Variants in FGF14 observed in about 807,000 individuals in gnomAD.
The protein encoded by FGF14 is fibroblast growth factor 14, also known as fibroblast growth factor homologous factor 4.
In FGF14, 5 loss-of-function variants were observed where a neutral mutation model predicts 25.5. The ratio of observed to expected loss-of-function variants is 0.20; its 90% CI spans 0.10 to 0.41. The LOEUF (loss-of-function observed/expected upper bound fraction) is 0.41, where lower values mean the gene tolerates loss of function less well. FGF14 is among the 10% of genes least tolerant of loss of function. The pLI is 1.00. For missense variants in FGF14, 222 were observed against 320.1 expected, an observed-to-expected ratio of 0.69 and a Z score of 2.34; for synonymous variants, 138 against 118.3, an observed-to-expected ratio of 1.17 and a Z score of -1.08.
At chr13:101,996,503 G>A (rs968829256) in intron 1 of FGF14, among the ~76,000 whole-genome samples, 1 of 152,188 alleles carries the variant, frequency 6.6e-6, no homozygotes, top group Non-Finnish European at 1.5e-5. Context: ...ACTAGGAGAT[G>A]TAGCTGATAA....
chr13:102,323,955 GTA>G (rs1285752306), intron 1 of FGF14, among the ~76,000 whole-genome samples: 19 of 110,626 alleles, frequency 1.7e-4, no homozygotes, highest in Admixed American at 1.2e-3. Flanking sequence ...CCAACGTGCA[GTA>G]TGTGTGTGTG....
At chr13:101,734,294 A>T (rs2036024710) in intron 3 of FGF14, among the ~76,000 whole-genome samples, 1 of 152,362 alleles carries the variant, frequency 6.6e-6, no homozygotes, top group Non-Finnish European at 1.5e-5. Flanking sequence ...GACATTAGTC[A>T]TAAGCTTGCT....
At chr13:102,273,938 C>A (rs1378010813) in intron 1 of FGF14, among the ~76,000 whole-genome samples, 1 of 94,008 alleles carries the variant, frequency 1.1e-5, no homozygotes. Context: ...GAGCAAGACC[C>A]TGTCTCAAAA....
intron 1 of FGF14, among the ~76,000 whole-genome samples, chr13:102,364,610 A>G (rs1349950729): frequency 1.3e-5 from 2 of 152,260 alleles, no homozygotes; most frequent in East Asian, 1.9e-4. Context: ...ATTAAATCCA[A>G]CAATACTTAC....
chr13:102,069,584 G>A (rs535020114), intron 1 of FGF14, among the ~76,000 whole-genome samples: 1 of 151,784 alleles, frequency 6.6e-6, no homozygotes, highest in Admixed American at 6.6e-5. Context: ...GAGACCACAA[G>A]CCCACCGGGA....
chr13:102,268,240 A>G (rs899330526), intron 1 of FGF14, among the ~76,000 whole-genome samples: 3 of 152,178 alleles, frequency 2.0e-5, no homozygotes, highest in Non-Finnish European at 4.4e-5. Context: ...ACTCGGTGTC[A>G]TTGACTAACT....
At chr13:101,964,702 TCTC>T (rs1384984087) in intron 1 of FGF14, among the ~76,000 whole-genome samples, 2 of 152,186 alleles carry the variant, frequency 1.3e-5, no homozygotes, top group Admixed American at 6.5e-5. Flanking sequence ...CTGCTATAGT[TCTC>T]CTTCTTTTCT....
upstream of FGF14, among the ~76,000 whole-genome samples, chr13:101,919,204 T>C (rs532300498): frequency 6.6e-6 from 1 of 152,322 alleles, no homozygotes; most frequent in South Asian, 2.1e-4. Context: ...TCACTACTCT[T>C]GGTTTCTATT....
At chr13:101,880,218 A>G (rs888936373) in intron 1 of FGF14, among the ~76,000 whole-genome samples, 4 of 152,074 alleles carry the variant, frequency 2.6e-5, no homozygotes, top group African/African-American at 9.7e-5. Context: ...GCTCTCCACC[A>G]CTTCTCTGCC....
intron 1 of FGF14, among the ~76,000 whole-genome samples, chr13:102,062,890 G>C (rs1026194124): frequency 1.3e-5 from 2 of 152,092 alleles, no homozygotes; most frequent in Admixed American, 1.3e-4. Flanking sequence ...TTTGACCAAG[G>C]TGTTGCTTAA....
At chr13:102,152,766 T>C (rs1281960609) in intron 1 of FGF14, among the ~76,000 whole-genome samples, 1 of 152,216 alleles carries the variant, frequency 6.6e-6, no homozygotes, top group East Asian at 1.9e-4. Flanking sequence ...AAAATATATC[T>C]AAACACTGCA....
chr13:101,840,764 TC>T (rs377153683), intron 3 of FGF14, among the ~76,000 whole-genome samples: 5 of 152,142 alleles, frequency 3.3e-5, no homozygotes, highest in African/African-American at 1.2e-4. Context: ...CATGCTTTTT[TC>T]TTATCATAAT....
At chr13:102,401,110 G>T (rs1400932929) in intron 1 of FGF14, among the ~76,000 whole-genome samples, 1 of 152,092 alleles carries the variant, frequency 6.6e-6, no homozygotes, top group Non-Finnish European at 1.5e-5. Context: ...GGGAGCTCGC[G>T]GTTCTTTTTC....
chr13:102,062,842 C>T lies in FGF14; in HGVS notation c.209-187546G>A, dbSNP rs1410165131. On this transcript the variant is annotated intron_variant, in intron 1 of 4. Coordinates refer to the FGF14 transcript ENST00000376131. ...GCAATACTAAAAAAGTGAAAGCTAT[C>T]TAGTTTTATGCAAAAATATTATAAT... Among the ~76,000 whole-genome samples, 5 of 152,124 alleles carry T rather than the reference C, an allele frequency of 3.3e-5. No homozygotes were observed. The East Asian group carries it at 9.6e-4, about 29-fold the overall frequency.
At chr13:101,939,316 T>C (rs1257387153) in intron 1 of FGF14, among the ~76,000 whole-genome samples, 1 of 152,224 alleles carries the variant, frequency 6.6e-6, no homozygotes, top group Admixed American at 6.5e-5. Flanking sequence ...AAAATACGTT[T>C]AAAGTTACTA....
chr13:102,325,294 G>T (rs1384334521), intron 1 of FGF14, among the ~76,000 whole-genome samples: 1 of 151,888 alleles, frequency 6.6e-6, no homozygotes, highest in Non-Finnish European at 1.5e-5. Context: ...TTAGATCAAG[G>T]TTATGAACAG....
Position 101,849,199 on chromosome 13 carries a change from G to A in FGF14, c.408+19526C>T, listed in dbSNP as rs768815184. On this transcript the variant is annotated intron_variant, in intron 3 of 4. Coordinates refer to ENST00000376143, the MANE Select transcript of FGF14 (RefSeq NM_004115.4). ...TACTTTTAACAAATTGCAGCTTTGA[G>A]TAGTTTCTGCTGACTCCTGACATAT... Among the ~76,000 whole-genome samples, 74 of 152,110 alleles carry A rather than the reference G, an allele frequency of 4.9e-4. 1 individual carries two copies. Among genetic ancestry groups the A allele is most frequent in the Non-Finnish European group, 4.1e-4 (28 of 67,948 alleles).
Position 101,812,626 on chromosome 13 carries a change from TATATATATATATATATATATATATATA to T in FGF14, c.408+56072_408+56098del, listed in dbSNP as rs1566930991. On this transcript the variant is annotated intron_variant, in intron 3 of 4. Coordinates refer to ENST00000376143, the MANE Select transcript of FGF14 (RefSeq NM_004115.4). The stretch of plus-strand genomic sequence containing the variant: ...ATTTTTAAAACTATATATATATATA[TATATATATATATATATATATATATATA>T]TTTTTTTTTTTTTTTTTTTTTTTTT... Among the ~76,000 whole-genome samples, 25 of 9,862 alleles carry T rather than the reference TATATATATATATATATATATATATATA, an allele frequency of 2.5e-3. 1 individual carries two copies. The highest frequency in any genetic ancestry group is 9.5e-3 in the East Asian group (3 of 316). The allele number at this position is 9,862 out of a possible 152,430, so 6.5% of individuals were successfully genotyped here.
intron 3 of FGF14, among the ~76,000 whole-genome samples, chr13:101,861,771 C>G (rs2044431493): frequency 6.6e-6 from 1 of 152,052 alleles, no homozygotes; most frequent in African/African-American, 2.4e-5. Context: ...AACGCAATGA[C>G]AAATGTTTCG....
Sources: allele counts gnomAD v4.1 joint callset (sites outside exome capture counted in the v4.1 genomes callset), GRCh38; gene constraint gnomAD v4.1.1; transcripts MANE v1.5; gene names NCBI Gene and HGNC (gene_info 2026-07-23, HGNC 2026-07-21).